The following NRG3 variants were observed in gnomAD, a reference collection of about 807,000 sequenced individuals.
NRG3 encodes the protein pro-neuregulin-3, membrane-bound isoform.
In NRG3, 31 loss-of-function variants were observed where a neutral mutation model predicts 66.9. The ratio of observed to expected loss-of-function variants is 0.46; its 90% CI spans 0.35 to 0.63. The LOEUF is 0.63. Among genes scored for constraint, NRG3 ranks in the 20% least tolerant of loss-of-function variants. The pLI is 0.00. For missense variants in NRG3, 910 were observed against 878.9 expected (o/e 1.04, Z -0.45); for synonymous variants, 393 against 359.4 (o/e 1.09, Z -1.06).
chr10:82,259,265 C>T (rs547788417), intron 1 of NRG3, among the ~76,000 whole-genome samples: 8 of 152,254 alleles, frequency 5.3e-5, no homozygotes, highest in Admixed American at 5.2e-4. Context: ...TTCTCAGGGC[C>T]TTTGTGTGTT....
At chr10:82,110,345 A>G (rs2067312442) in intron 1 of NRG3, among the ~76,000 whole-genome samples, 1 of 152,130 alleles carries the variant, frequency 6.6e-6, no homozygotes. Flanking sequence ...TAGAGAGATA[A>G]CAGGAGACCA....
chr10:82,954,898 C>A (rs1849888695), intron 5 of NRG3, among the ~76,000 whole-genome samples: 1 of 151,726 alleles, frequency 6.6e-6, no homozygotes, highest in Admixed American at 6.6e-5. Flanking sequence ...TTGACCTTCC[C>A]TTACTTTCAC....
chr10:82,674,371 G>A (rs1271745469), intron 2 of NRG3, among the ~76,000 whole-genome samples: 1 of 152,094 alleles, frequency 6.6e-6, no homozygotes, highest in African/African-American at 2.4e-5. Context: ...TCAGTTGTCA[G>A]GGTGAGAGTT....
At chr10:82,018,412 A>T (rs1202564214) in intron 1 of NRG3, among the ~76,000 whole-genome samples, 2 of 152,168 alleles carry the variant, frequency 1.3e-5, no homozygotes, top group Non-Finnish European at 2.9e-5. Flanking sequence ...TGACTTGGCG[A>T]TGCGTGCTCT....
chr10:82,866,992 G>C (rs576628572), intron 4 of NRG3, among the ~76,000 whole-genome samples: 2 of 152,068 alleles, frequency 1.3e-5, no homozygotes, highest in Non-Finnish European at 1.5e-5. Context: ...AAAAATGTTG[G>C]TTATATGCCA....
At chr10:82,008,411 G>A (rs2061454022) in intron 1 of NRG3, among the ~76,000 whole-genome samples, 1 of 152,288 alleles carries the variant, frequency 6.6e-6, no homozygotes, top group South Asian at 2.1e-4. Context: ...AAAGTGATTT[G>A]CTATAAATAT....
chr10:82,081,979 G>A (rs1162666199), intron 1 of NRG3, among the ~76,000 whole-genome samples: 2 of 152,146 alleles, frequency 1.3e-5, no homozygotes, highest in Non-Finnish European at 2.9e-5. Flanking sequence ...GACATAGCTT[G>A]AGCCCATATC....
chr10:82,042,154 AT>A (rs2063072745), intron 1 of NRG3, among the ~76,000 whole-genome samples: 1 of 151,986 alleles, frequency 6.6e-6, no homozygotes, highest in East Asian at 1.9e-4. Context: ...GAATATACTG[AT>A]TTTGAACACG....
At chr10:82,508,184 G>T (rs1244087324) in intron 2 of NRG3, among the ~76,000 whole-genome samples, 1 of 152,190 alleles carries the variant, frequency 6.6e-6, no homozygotes, top group African/African-American at 2.4e-5. Flanking sequence ...CGATTAAAAT[G>T]TTAACATGTA....
In NRG3 at chr10:82,755,441, C is replaced by T. The variant is rs539829136; in HGVS notation, c.1027+16791C>T. Among the ~76,000 whole-genome samples, 15 of 152,214 alleles carry T rather than the reference C, an allele frequency of 9.9e-5. No individual in the cohort carries two copies. The South Asian group carries it at 2.5e-3, about 25-fold the overall frequency. On this transcript the variant is annotated intron_variant, in intron 3 of 8. Coordinates refer to ENST00000372141, the MANE Select transcript of NRG3 (RefSeq NM_001010848.4). ...ACTTGATCTCATTTTATCTCAGCCT[C>T]TCTGCCCAAAAAATCATCTAGATTG...
rs75186989 is a variant in NRG3, at chr10:82,103,008, AT to A, written c.823+226848del. 1.7e-4 allele frequency among the ~76,000 whole-genome samples: 26 copies of A among 152,224 alleles called. No individual in the cohort carries two copies. The East Asian group carries it at 4.6e-3, about 27-fold the overall frequency. On this transcript the variant is annotated intron_variant, in intron 1 of 8. Coordinates refer to ENST00000372141, the MANE Select transcript of NRG3 (RefSeq NM_001010848.4). ...TTTCATCTGAAGTACTTCCGTCAGCATTTCTTTCAGAACATATTTATTCTTG... is the reference window on the plus strand; with the variant it reads ...TTTCATCTGAAGTACTTCCGTCAGCATTCTTTCAGAACATATTTATTCTTG...
chr10:82,837,140 C>T (rs977523734), intron 3 of NRG3, among the ~76,000 whole-genome samples: 5 of 152,220 alleles, frequency 3.3e-5, no homozygotes, highest in South Asian at 4.1e-4. Flanking sequence ...TCCAGTCTAT[C>T]GTTGTTGGAC....
chr10:82,448,971 A>G (rs2090885310), intron 2 of NRG3, among the ~76,000 whole-genome samples: 1 of 152,212 alleles, frequency 6.6e-6, no homozygotes, highest in African/African-American at 2.4e-5. Context: ...CAAGAGTAAC[A>G]TAACTCCTTC....
At chr10:82,681,031 T>C (rs1201036069) in intron 2 of NRG3, among the ~76,000 whole-genome samples, 2 of 152,192 alleles carry the variant, frequency 1.3e-5, no homozygotes, top group African/African-American at 4.8e-5. Flanking sequence ...GCCCAGGGTC[T>C]AGACCAGACA....
chr10:82,334,303 A>G (rs1286158534), intron 1 of NRG3, among the ~76,000 whole-genome samples: 1 of 152,164 alleles, frequency 6.6e-6, no homozygotes, highest in African/African-American at 2.4e-5. Context: ...TCCTCGAAGC[A>G]TGGAAGGAGT....
intron 1 of NRG3, among the ~76,000 whole-genome samples, chr10:82,345,888 T>C (rs1268220710): frequency 6.6e-6 from 1 of 151,854 alleles, no homozygotes; most frequent in East Asian, 1.9e-4. Context: ...TGTATAAGAA[T>C]GCTTGTGATT....
intron 2 of NRG3, among the ~76,000 whole-genome samples, chr10:82,406,999 TA>T (rs1258432887): frequency 6.6e-6 from 1 of 152,104 alleles, no homozygotes; most frequent in Non-Finnish European, 1.5e-5. Context: ...TAAATCCTCT[TA>T]TTTTTTTTCT....
chr10:82,003,988 AACACACACAC>A (rs746699197), intron 1 of NRG3, among the ~76,000 whole-genome samples: 3,440 of 134,380 alleles, frequency 0.026, 131 homozygotes, highest in East Asian at 0.14. Context: ...CCTGACTGAA[AACACACACAC>A]ACACACACAC....
intron 1 of NRG3, among the ~76,000 whole-genome samples, chr10:82,176,872 T>A (rs536609181): frequency 9.9e-6 from 1 of 100,650 alleles, no homozygotes; most frequent in Admixed American, 1.3e-4. Flanking sequence ...CCTCGATTTT[T>A]AAAACAAGAC....
Sources: gnomAD v4.1 joint callset for allele counts (sites outside exome capture counted in the v4.1 genomes callset) on GRCh38, gnomAD v4.1.1 for gene constraint, MANE v1.5 for transcripts, NCBI Gene and HGNC (gene_info 2026-07-23, HGNC 2026-07-21) for gene names.